Variants in SLC12A3 observed in about 807,000 individuals in gnomAD.
SLC12A3 encodes the protein solute carrier family 12 member 3.
SLC12A3 carries 104 observed loss-of-function variants against 121.0 expected under a neutral mutation model. The ratio of observed to expected loss-of-function variants is 0.86; its 90% CI spans 0.73 to 1.01. SLC12A3 has a LOEUF of 1.01. Ranked by LOEUF, SLC12A3 falls within the 50% of genes least tolerant of loss-of-function variation. The pLI is 0.00. For missense variants in SLC12A3, 1,328 were observed against 1,356.3 expected (o/e 0.98, Z 0.33); for synonymous variants, 536 against 533.4 (o/e 1.00, Z -0.07).
chr16:56,890,198 C>A, intron 18 of SLC12A3, 76 bp from the exon 19 acceptor site: 1 of 1,080,332 alleles, frequency 9.3e-7, no homozygotes, highest in Non-Finnish European at 1.4e-6. Context: ...CTCTAGATAT[C>A]TGGTCTCCTG....
chr16:56,873,540 C>T (rs1370832055), intron 8 of SLC12A3, among the ~76,000 whole-genome samples: 1 of 149,528 alleles, frequency 6.7e-6, no homozygotes, highest in African/African-American at 2.5e-5. Context: ...GTGCCTGCCA[C>T]CGCACCCGGT....
At chr16:56,887,209 A>G (rs1165274403) in intron 17 of SLC12A3, 116 bp downstream of exon 17, 6 of 1,348,212 alleles carry the variant, frequency 4.5e-6, no homozygotes, top group African/African-American at 1.5e-5. Context: ...AGGAGCCCCA[A>G]CTTTTTTTTT....
intron 8 of SLC12A3, among the ~76,000 whole-genome samples, chr16:56,877,651 A>AT (rs1383774490): frequency 1.6e-4 from 24 of 152,154 alleles, no homozygotes; most frequent in Non-Finnish European, 2.6e-4. Context: ...GGGGTGTGAG[A>AT]GCACAGCCCC....
At chr16:56,881,527 C>A (rs1055352227) in intron 12 of SLC12A3, among the ~76,000 whole-genome samples, 1 of 152,066 alleles carries the variant, frequency 6.6e-6, no homozygotes, top group African/African-American at 2.4e-5. Context: ...TACATGAAAT[C>A]ATGGACAGAG....
chr16:56,893,588 C>A (rs771275098), intron 21 of SLC12A3, among the ~76,000 whole-genome samples: 1 of 152,128 alleles, frequency 6.6e-6, no homozygotes, highest in African/African-American at 2.4e-5. Context: ...TGATTAACTC[C>A]GCTTTATAAA....
In SLC12A3 at chr16:56,886,735, C is replaced by T. The variant is rs1282046644; in HGVS notation, c.2038-218C>T. ...TCCCCTTCCTGGCCCCTCTTGCTGG[C>T]TTCTCCCCCAGCTGCCCTGCCTCTT... On this transcript the variant is annotated intron_variant, in intron 16 of 25. Transcript: ENST00000563236. Among the ~76,000 whole-genome samples, 16 of 152,168 alleles carry T rather than the reference C, an allele frequency of 1.1e-4. No homozygotes were observed. The East Asian group carries it at 3.1e-3, about 30-fold the overall frequency.
At chr16:56,881,916 G>A (rs1394417779) in intron 12 of SLC12A3, among the ~76,000 whole-genome samples, 5 of 151,930 alleles carry the variant, frequency 3.3e-5, no homozygotes, top group African/African-American at 1.2e-4. Flanking sequence ...GGGCGTGGTG[G>A]TGCATGCCTG....
chr16:56,895,583 C>T (rs549672522), intron 22 of SLC12A3, among the ~76,000 whole-genome samples: 57 of 151,718 alleles, frequency 3.8e-4, no homozygotes, highest in Non-Finnish European at 2.2e-4. Context: ...CTGGAGAACA[C>T]GCCTCCTCCT....
At chr16:56,892,882 G>T in intron 20 of SLC12A3, 71 bp from the exon 21 acceptor site, 1 of 1,263,544 alleles carries the variant, frequency 7.9e-7, no homozygotes, top group Non-Finnish European at 1.2e-6. Flanking sequence ...GGGCGTTGGC[G>T]GGGCCCTGGG....
chr16:56,886,906 G>A, intron 16 of SLC12A3, 47 bp from the exon 17 acceptor site: 1 of 1,611,996 alleles, frequency 6.2e-7, no homozygotes, highest in Non-Finnish European at 8.5e-7. Context: ...ATCTCAGGCT[G>A]GAGGGTGAAG....
Position 56,865,456 on chromosome 16 carries a change from C to T in SLC12A3, c.221C>T (p.Thr74Ile), listed in dbSNP as rs1196986842. 2.5e-6 allele frequency: 4 copies of T among 1,613,972 alleles called. No homozygotes were observed. The highest frequency in any genetic ancestry group is 3.3e-5 in the Admixed American group (2 of 60,012). Reference protein sequence around the residue: ...VPTYEHYANSTQPGEPRKVRP... With the variant: ...VPTYEHYANSIQPGEPRKVRP... ...ACATATGAGCACTATGCCAACAGCA[C>T]CCAGCCTGGTGAGCCCCGGAAGGTC... Residue 74 changes from threonine (T) to isoleucine (I), a missense_variant, in exon 1 of 26, where the codon ACC (threonine) becomes ATC (isoleucine). Coordinates refer to ENST00000563236, the MANE Select transcript of SLC12A3 (RefSeq NM_001126108.2).
intron 21 of SLC12A3, among the ~76,000 whole-genome samples, chr16:56,893,971 T>TTTATTTATTTA (rs1435631224): frequency 3.4e-4 from 40 of 116,918 alleles, no homozygotes; most frequent in Admixed American, 3.3e-3. Context: ...TTTATTTTTA[T>TTTATTTATTTA]TTTATTTATT....
intron 22 of SLC12A3, among the ~76,000 whole-genome samples, chr16:56,898,177 A>G (rs944269958): frequency 1.3e-5 from 2 of 152,130 alleles, no homozygotes; most frequent in African/African-American, 4.8e-5. Context: ...TGTCCTTCCC[A>G]GGGGTTCTGA....
rs369433014 is a variant in SLC12A3 at position 56,890,301 on chromosome 16, G to A, written c.2313G>A (p.Val771=). The part of the protein sequence containing the change: ...LHDAFDFNYG[V]CVMRMREGLN... The stretch of plus-strand genomic sequence containing the variant: ...ATGCCTTTGATTTCAACTATGGCGT[G>A]TGTGTCATGAGGATGCGGGAGGGAC... The change falls in exon 19 of 26, where the codon GTG becomes GTA. Residue 771 remains valine (V), a synonymous_variant. Coordinates refer to ENST00000563236, the MANE Select transcript of SLC12A3 (RefSeq NM_001126108.2). 5 of 1,614,202 alleles carry A rather than the reference G, an allele frequency of 3.1e-6. No homozygotes were observed. Among genetic ancestry groups the A allele is most frequent in the Non-Finnish European group, 2.5e-6 (3 of 1,180,036 alleles).
chr16:56,885,589 G>A (rs576364511), intron 15 of SLC12A3, among the ~76,000 whole-genome samples: 1 of 152,238 alleles, frequency 6.6e-6, no homozygotes, highest in Non-Finnish European at 1.5e-5. Flanking sequence ...CCATGCCTTG[G>A]TTTCCACAGT....
Position 56,870,755 on chromosome 16 carries a change from AG to A in SLC12A3, c.852+24del. On this transcript the variant is annotated intron_variant, in intron 6 of 25. Coordinates refer to ENST00000563236, the MANE Select transcript of SLC12A3 (RefSeq NM_001126108.2). The stretch of plus-strand genomic sequence containing the variant: ...GTCCAAGGTGAGGAGGCCATGGAGG[AG>A]GGGGACATGGAGGTGGTCACGTGGA... The A allele has an allele frequency of 6.6e-7, 1 of 1,504,732 alleles. No individual in the cohort carries two copies. Among genetic ancestry groups the A allele is most frequent in the Non-Finnish European group, 9.3e-7 (1 of 1,081,076 alleles). The allele number at this position is 1,504,732 out of a possible 1,614,324, so 93.2% of individuals were successfully genotyped here.
chr16:56,905,338 CAAAAAAAA>C (rs59206129), intron 25 of SLC12A3, among the ~76,000 whole-genome samples: 1 of 50,750 alleles, frequency 2.0e-5, no homozygotes, highest in African/African-American at 6.8e-5. Flanking sequence ...AACTCCGTCT[CAAAAAAAA>C]AAAAAAAAAA....
chr16:56,896,460 G>A (rs2055463202), intron 22 of SLC12A3, among the ~76,000 whole-genome samples: 2 of 152,196 alleles, frequency 1.3e-5, no homozygotes, highest in Admixed American at 6.5e-5. Flanking sequence ...AAATTGTGAT[G>A]TTGGCTGGGC....
At chr16:56,886,801 C>A in intron 16 of SLC12A3, 152 bp from the exon 17 acceptor site, 3 of 1,007,222 alleles carry the variant, frequency 3.0e-6, no homozygotes, top group South Asian at 1.5e-5. Context: ...CTTTCTCCCC[C>A]ACTCCTTGTG....
Sources: allele counts gnomAD v4.1 joint callset (sites outside exome capture counted in the v4.1 genomes callset), GRCh38; gene constraint gnomAD v4.1.1; transcripts MANE v1.5; gene names NCBI Gene and HGNC (gene_info 2026-07-23, HGNC 2026-07-21).